IL13RA1: variants seen among roughly 807,000 people sequenced by gnomAD.
IL13RA1 encodes the protein interleukin-13 receptor subunit alpha-1.
Under a neutral mutation model 33.8 loss-of-function variants are expected in IL13RA1, and 14 were observed. That is an observed-to-expected ratio of 0.41 (90% CI 0.27 to 0.65). The LOEUF (loss-of-function observed/expected upper bound fraction) is 0.65. Among genes scored for constraint, IL13RA1 ranks in the 30% least tolerant of loss-of-function variants. IL13RA1 has a pLI of 0.28. For missense variants in IL13RA1, 313 were observed against 327.0 expected (o/e 0.96, Z 0.33); for synonymous variants, 116 against 115.7 (o/e 1.00, Z -0.02).
In IL13RA1 at chrX:118,734,904, A is replaced by G. The variant is rs114453700; in HGVS notation, c.89-6113A>G. On this transcript the variant is annotated intron_variant, in intron 1 of 10. Coordinates refer to ENST00000371666, the MANE Select transcript of IL13RA1 (RefSeq NM_001560.3). ...TTGGTAGAATTTTATCTGTGAAGCT[A>G]TCAGGTCTAGGGCTTTTCTTTGTTG... Among the ~76,000 whole-genome samples the G allele has an allele frequency of 6.6e-3, 732 of 111,654 alleles. 5 individuals carry two copies. Among genetic ancestry groups the G allele is most frequent in the African/African-American group, 0.022 (677 of 30,758 alleles).
At chrX:118,772,466 C>A (rs2147391457) in intron 8 of IL13RA1, among the ~76,000 whole-genome samples, 1 of 112,494 alleles carries the variant, frequency 8.9e-6, no homozygotes, top group African/African-American at 3.2e-5. Context: ...TGTTAAAAGT[C>A]TTAGCTAAAA....
chrX:118,786,246 C>T (rs2244333), intron 10 of IL13RA1, among the ~76,000 whole-genome samples: 18,423 of 109,728 alleles, frequency 0.17, 1,448 homozygotes, highest in East Asian at 0.43. Context: ...AAAAAATTAG[C>T]CAGGCTTGGT....
downstream of IL13RA1, among the ~76,000 whole-genome samples, chrX:118,797,939 C>T (rs2018040390): frequency 8.9e-6 from 1 of 111,967 alleles, no homozygotes; most frequent in Non-Finnish European, 1.9e-5. Flanking sequence ...AGACCCTGAG[C>T]AGAGAGTGCA....
At chrX:118,768,500 G>A (rs1442954378) in intron 8 of IL13RA1, among the ~76,000 whole-genome samples, 1 of 112,079 alleles carries the variant, frequency 8.9e-6, no homozygotes, top group African/African-American at 3.2e-5. Flanking sequence ...GATGGAGGCT[G>A]TTGCAGGTTG....
intron 10 of IL13RA1, among the ~76,000 whole-genome samples, chrX:118,776,875 G>A (rs2017791036): frequency 9.2e-6 from 1 of 108,645 alleles, no homozygotes; most frequent in Non-Finnish European, 1.9e-5. Flanking sequence ...GAGGTGGGAG[G>A]ATCCCTTGAG....
intron 10 of IL13RA1, among the ~76,000 whole-genome samples, chrX:118,778,801 C>A (rs878901638): frequency 1.8e-5 from 2 of 112,153 alleles, no homozygotes; most frequent in Admixed American, 1.9e-4. Context: ...GCCTATATTA[C>A]CTTATTGAAT....
intron 4 of IL13RA1, among the ~76,000 whole-genome samples, chrX:118,756,269 A>G (rs1011776747): frequency 3.6e-5 from 4 of 111,427 alleles, no homozygotes; most frequent in African/African-American, 1.3e-4. Flanking sequence ...TGATGATGTA[A>G]GACTTGACTC....
chrX:118,751,937 A>G (rs1312124350), intron 4 of IL13RA1, among the ~76,000 whole-genome samples: 1 of 102,378 alleles, frequency 9.8e-6, no homozygotes, highest in Non-Finnish European at 2.0e-5. Flanking sequence ...ACATTTTTGG[A>G]TGAAAACCTC....
chrX:118,773,345 A>G (rs2017745479), intron 8 of IL13RA1, among the ~76,000 whole-genome samples: 2 of 111,359 alleles, frequency 1.8e-5, no homozygotes, highest in South Asian at 7.6e-4. Flanking sequence ...ACAAAAATTA[A>G]CTCGGTGTGG....
At chrX:118,748,634 A>G (rs1017914006) in intron 3 of IL13RA1, among the ~76,000 whole-genome samples, 4 of 110,811 alleles carry the variant, frequency 3.6e-5, no homozygotes, top group Admixed American at 1.9e-4. Context: ...TGACAGAGCA[A>G]GACTCTGTCT....
At chrX:118,756,687 C>T (rs1368196419) in intron 4 of IL13RA1, among the ~76,000 whole-genome samples, 1 of 111,016 alleles carries the variant, frequency 9.0e-6, no homozygotes, top group Admixed American at 9.7e-5. Flanking sequence ...TGATAGAATA[C>T]AGGGAACAGA....
At chrX:118,737,279 A>G (rs995345364) in intron 1 of IL13RA1, among the ~76,000 whole-genome samples, 4 of 112,714 alleles carry the variant, frequency 3.5e-5, no homozygotes, top group Admixed American at 2.8e-4. Flanking sequence ...AGCTACTACT[A>G]TGTAAAAGCT....
intron 10 of IL13RA1, among the ~76,000 whole-genome samples, chrX:118,788,458 A>G (rs1191352498): frequency 4.5e-5 from 5 of 112,057 alleles, no homozygotes; most frequent in African/African-American, 6.5e-5. Flanking sequence ...TTAAGATTTC[A>G]GTGTCATACA....
chrX:118,770,564 C>CGTTCCGCAAGCT (rs767257720), intron 8 of IL13RA1: 45 of 519,584 alleles, frequency 8.7e-5, no homozygotes, highest in Non-Finnish European at 1.2e-4. Context: ...GCGCTGCCCA[C>CGTTCCGCAAGCT]GTTCCGCAAG....
downstream of IL13RA1, among the ~76,000 whole-genome samples, chrX:118,796,559 C>T (rs367965166): frequency 2.7e-5 from 3 of 111,659 alleles, no homozygotes; most frequent in African/African-American, 9.8e-5. Context: ...TTTTTTGAGA[C>T]GGGATTTTGC....
At chrX:118,783,836 T>G (rs1446764143) in intron 10 of IL13RA1, among the ~76,000 whole-genome samples, 1 of 103,153 alleles carries the variant, frequency 9.7e-6, no homozygotes, top group Non-Finnish European at 2.0e-5. Context: ...TCTGATCACT[T>G]GGGAGGATGA....
intron 1 of IL13RA1, among the ~76,000 whole-genome samples, chrX:118,739,439 G>A (rs946563796): frequency 1.8e-5 from 2 of 111,887 alleles, no homozygotes; most frequent in Admixed American, 9.5e-5. Flanking sequence ...GCACTCCAAA[G>A]TATTAGCATA....
At chrX:118,801,248 G>T in the IL13RA1 span, among the ~76,000 whole-genome samples, 11 of 112,524 alleles carry the variant, frequency 9.8e-5, no homozygotes, top group African/African-American at 3.6e-4. Context: ...CTTTAGAAAT[G>T]TCTGATTTCT....
chrX:118,791,749 T>C lies in IL13RA1; in HGVS notation c.1192-13T>C. ...ATATGTCATTGTGTATGTGTTTTTT[T>C]CCTCCCTTCTAGCACTGGAAGAAGT... On this transcript the variant is annotated splice_polypyrimidine_tract_variant and intron_variant, in intron 10 of 10. Transcript: ENST00000371666. 1.3e-6 allele frequency: 1 copy of C among 793,055 alleles called. No homozygotes were observed. 65.4% of individuals were successfully genotyped at this position (793,055 alleles called of 1,213,427 possible). A position where few individuals can be genotyped will look rare whatever the true frequency, so the allele number is the denominator to read the frequency against.
Sources: allele counts gnomAD v4.1 joint callset (sites outside exome capture counted in the v4.1 genomes callset), GRCh38; gene constraint gnomAD v4.1.1; transcripts MANE v1.5; gene names NCBI Gene and HGNC (gene_info 2026-07-23, HGNC 2026-07-21).